Variants in SATB1 observed in about 807,000 individuals in gnomAD.
The protein encoded by SATB1 is DNA-binding protein SATB1.
In SATB1, 11 loss-of-function variants were observed where a neutral mutation model predicts 86.9. The observed-to-expected ratio is 0.13, with a 90% CI of 0.08 to 0.21. SATB1 has a LOEUF of 0.21. Ranked by LOEUF, SATB1 falls within the 10% of genes least tolerant of loss-of-function variation. SATB1 has a pLI of 1.00. For missense variants in SATB1, 551 were observed against 937.6 expected, an observed-to-expected ratio of 0.59 and a Z score of 5.39; for synonymous variants, 357 against 357.2, an observed-to-expected ratio of 1.00 and a Z score of 0.01.
At position 18,386,895 on chromosome 3, in the gene SATB1, G is replaced by C. The variant is rs1167513099; in HGVS notation, c.1207-284C>G. On this transcript the variant is annotated intron_variant, in intron 7 of 10. Coordinates refer to ENST00000338745, the MANE Select transcript of SATB1 (RefSeq NM_002971.6). The surrounding 1 kb of genome is among the most constrained non-coding windows in gnomAD (Gnocchi z 4.5). ...GCCATGAAATCTTTCACAGAGAGAC[G>C]ATCCAGGGAAGTTAAGAATAAACGA... Among the ~76,000 whole-genome samples the C allele has an allele frequency of 6.6e-6, 1 of 152,114 alleles. No homozygotes were observed. Among genetic ancestry groups the C allele is most frequent in the Non-Finnish European group, 1.5e-5 (1 of 68,020 alleles).
Position 18,352,677 on chromosome 3 carries a change from A to C in SATB1, c.1576-482T>G, listed in dbSNP as rs1370160689. 6.0e-6 allele frequency: 1 copy of C among 166,692 alleles called. No individual in the cohort carries two copies. The highest frequency in any genetic ancestry group is 1.3e-5 in the Non-Finnish European group (1 of 75,666). 10.3% of individuals were successfully genotyped at this position (166,692 alleles called of 1,614,324 possible). On this transcript the variant is annotated intron_variant, in intron 9 of 10. Coordinates refer to ENST00000338745, the MANE Select transcript of SATB1 (RefSeq NM_002971.6). This position sits in a 1 kb window ranked among gnomAD's most constrained non-coding sequence, Gnocchi z 4.1. ...TGTGTGTGAATATTTATGTGTGTAC[A>C]TGTATGAAACAGAAAGGACAGGTGC...
chr3:18,445,546 C>G, exon 1 of SATB1: 1 of 985,172 alleles, frequency 1.0e-6, no homozygotes, highest in African/African-American at 1.7e-5. Flanking sequence ...CACGCGCACT[C>G]CTCCTCTTGT....
At chr3:18,405,703 C>T (rs555690424) in intron 5 of SATB1, among the ~76,000 whole-genome samples, 2 of 151,986 alleles carry the variant, frequency 1.3e-5, no homozygotes, top group South Asian at 4.2e-4. Flanking sequence ...CCATGCATTC[C>T]CAAAATTGGC....
intron 6 of SATB1, among the ~76,000 whole-genome samples, chr3:18,396,861 G>A (rs1264012735): frequency 6.6e-6 from 1 of 152,088 alleles, no homozygotes; most frequent in Admixed American, 6.5e-5. Flanking sequence ...ACTTATCAGA[G>A]AAAGAAATCA....
chr3:18,443,830 A>AGAG lies in SATB1; in HGVS notation c.-25+1685_-25+1687dup, dbSNP rs1559472422. ...ACCTGTGATGTCCCGGCCCCTGCTAAGAGGACGGCCCTTTCTTCTGCCTCT... is the reference window on the plus strand; with the variant it reads ...ACCTGTGATGTCCCGGCCCCTGCTAAGAGGAGGACGGCCCTTTCTTCTGCCTCT... On this transcript the variant is annotated intron_variant, in intron 1 of 3. Transcript: ENST00000415069. The surrounding 1 kb of genome is among the most constrained non-coding windows in gnomAD (Gnocchi z 4.4). Among the ~76,000 whole-genome samples, 1 of 152,190 alleles carries AGAG rather than the reference A, an allele frequency of 6.6e-6. No individual in the cohort carries two copies. Among genetic ancestry groups the AGAG allele is most frequent in the Admixed American group, 6.5e-5 (1 of 15,290 alleles).
rs1698040166 is a variant in SATB1 at position 18,414,999 on chromosome 3, T to C, written c.639+112A>G. 4.9e-6 allele frequency: 6 copies of C among 1,236,090 alleles called. No homozygotes were observed. In the South Asian group the frequency reaches 7.1e-5, roughly 15 times the overall value. 76.6% of individuals were successfully genotyped at this position (1,236,090 alleles called of 1,614,324 possible). A position where few individuals can be genotyped will look rare whatever the true frequency, so the allele number is the denominator to read the frequency against. On this transcript the variant is annotated intron_variant, in intron 5 of 10. Coordinates refer to ENST00000338745, the MANE Select transcript of SATB1 (RefSeq NM_002971.6). ...CCAGTGGTCAAGTCACTTTGCATTT[T>C]TGGCAGATTCTTGCTTCAGATACCA...
chr3:18,445,329 C>A, intron 1 of SATB1: 10 of 985,164 alleles, frequency 1.0e-5, no homozygotes, highest in Non-Finnish European at 1.1e-5. Context: ...CGCTCCCGGG[C>A]TCCCTCCCAG....
rs970248865 is a variant in SATB1, at chr3:18,345,704, C to CTA, written c.*3464_*3465dup. The CTA allele has an allele frequency of 6.6e-6, 1 of 152,064 alleles. No homozygotes were observed. The highest frequency in any genetic ancestry group is 2.4e-5 in the African/African-American group (1 of 41,428). The allele number at this position is 152,064 out of a possible 1,614,324, so 9.4% of individuals were successfully genotyped here. On this transcript the variant is annotated 3_prime_UTR_variant, in exon 11 of 11. Transcript: ENST00000338745. ...TTTTGGACCTCCATTGGTTTCCACA[C>CTA]TATCATGCAAATTTCCAACTTGCTT...
In SATB1 at chr3:18,372,554, A is replaced by C. The variant is rs1044021750; in HGVS notation, c.1575+5616T>G. ...CGACTTTTTAGCCAGAAATATGATA[A>C]GTAAGCAATTGTTCTATTTAATAAT... On this transcript the variant is annotated intron_variant, in intron 9 of 10. Transcript: ENST00000338745. Among the ~76,000 whole-genome samples the C allele has an allele frequency of 3.9e-5, 6 of 152,180 alleles. No homozygotes were observed. The East Asian group carries it at 9.6e-4, about 24-fold the overall frequency.
chr3:18,355,893 C>G (rs1326459328), intron 9 of SATB1, among the ~76,000 whole-genome samples: 1 of 151,906 alleles, frequency 6.6e-6, no homozygotes, highest in Non-Finnish European at 1.5e-5. Context: ...GTAAATTTGC[C>G]AAGCAACATT....
chr3:18,404,613 TTTTA>T lies in SATB1; in HGVS notation c.640-7327_640-7324del, dbSNP rs776800927. Among the ~76,000 whole-genome samples, 5 of 152,132 alleles carry T rather than the reference TTTTA, an allele frequency of 3.3e-5. No individual in the cohort carries two copies. In the East Asian group the frequency reaches 7.8e-4, roughly 24 times the overall value. ...ATGTGATCATATCAAAGCACAGAAATTTTATTTATTTAAATACTCGATTCATAAC... is the reference window on the plus strand; with the variant it reads ...ATGTGATCATATCAAAGCACAGAAATTTTATTTAAATACTCGATTCATAAC... On this transcript the variant is annotated intron_variant, in intron 5 of 10. Transcript: ENST00000338745.
At chr3:18,437,706 G>A (rs551786471) in intron 1 of SATB1, among the ~76,000 whole-genome samples, 3 of 152,096 alleles carry the variant, frequency 2.0e-5, no homozygotes, top group Non-Finnish European at 4.4e-5. Flanking sequence ...TTAAAACATA[G>A]TTATTAAAAT....
Position 18,345,954 on chromosome 3 carries a change from T to G in SATB1, c.*3216A>C, listed in dbSNP as rs2125116594. ...AATCTTGAATCATCTGAGAATGTTT[T>G]CTATTCAAGCCAGTATTTTTAGATA... On this transcript the variant is annotated 3_prime_UTR_variant, in exon 11 of 11. Transcript: ENST00000338745. 1 of 152,282 alleles carries G rather than the reference T, an allele frequency of 6.6e-6. No individual in the cohort carries two copies. Among genetic ancestry groups the G allele is most frequent in the African/African-American group, 2.4e-5 (1 of 41,582 alleles). 9.4% of individuals were successfully genotyped at this position (152,282 alleles called of 1,614,324 possible).
intron 9 of SATB1, among the ~76,000 whole-genome samples, chr3:18,375,847 C>T (rs1262229481): frequency 1.3e-5 from 2 of 152,082 alleles, no homozygotes; most frequent in African/African-American, 4.8e-5. Context: ...TCTACTAGGA[C>T]GTTAGAGTAA....
chr3:18,423,455 A>G (rs932925726), intron 1 of SATB1, among the ~76,000 whole-genome samples, 172 bp downstream of exon 1: 3 of 151,862 alleles, frequency 2.0e-5, no homozygotes, highest in African/African-American at 7.3e-5. Context: ...CCCCCACACA[A>G]CCCCATAATC....
chr3:18,396,920 TA>T (rs1696990665), intron 6 of SATB1, among the ~76,000 whole-genome samples: 2 of 152,138 alleles, frequency 1.3e-5, no homozygotes, highest in African/African-American at 2.4e-5. Context: ...ACTGAGTTGT[TA>T]AAAAATGACA....
chr3:18,436,089 C>A (rs190623432), intron 2 of SATB1, among the ~76,000 whole-genome samples: 2 of 152,190 alleles, frequency 1.3e-5, no homozygotes. Flanking sequence ...TAACACAACC[C>A]TACTGCAATT....
chr3:18,416,089 C>T lies in SATB1; in HGVS notation c.433G>A (p.Val145Met), dbSNP rs1238017635. The T allele has an allele frequency of 3.1e-6, 5 of 1,610,550 alleles. No individual in the cohort carries two copies. Among genetic ancestry groups the T allele is most frequent in the Non-Finnish European group, 2.5e-6 (3 of 1,177,830 alleles). The change falls in exon 4 of 11, where the codon GTG becomes ATG. Residue 145 changes from valine to methionine, a missense_variant. Transcript: ENST00000338745. ...ACTGTAGCATCAGGGGCATCTGTCA[C>T]GTAAGACAGTGGAACTGGATTCCAC... ...GKWNPVPLSY[V>M]TDAPDATVAD...
chr3:18,362,241 T>A (rs1363991587), intron 9 of SATB1, among the ~76,000 whole-genome samples: 3 of 152,116 alleles, frequency 2.0e-5, no homozygotes, highest in African/African-American at 7.2e-5. Context: ...CCCTGCTATT[T>A]GAGTTACATT....
Sources: gnomAD v4.1 joint callset for allele counts (sites outside exome capture counted in the v4.1 genomes callset) on GRCh38, gnomAD v4.1.1 for gene constraint, Gnocchi (gnomAD v3.1) non-coding constraint, MANE v1.5 for transcripts, NCBI Gene and HGNC (gene_info 2026-07-23, HGNC 2026-07-21) for gene names.